The following SNX13 variants were observed in gnomAD, a reference collection of about 807,000 sequenced individuals.
SNX13 encodes the protein sorting nexin-13.
SNX13 carries 45 observed loss-of-function variants against 133.6 expected under a neutral mutation model. The observed-to-expected ratio is 0.34, with a 90% CI of 0.27 to 0.43. SNX13 has a LOEUF of 0.43. Among genes scored for constraint, SNX13 ranks in the 20% least tolerant of loss-of-function variants. The pLI is 1.00. For missense variants in SNX13, 1,032 were observed against 1,145.1 expected, an observed-to-expected ratio of 0.90 and a Z score of 1.43; for synonymous variants, 414 against 373.9, an observed-to-expected ratio of 1.11 and a Z score of -1.24.
Position 17,891,602 on chromosome 7 carries a change from T to C in SNX13, c.262A>G (p.Ile88Val), listed in dbSNP as rs1368218851. The C allele has an allele frequency of 3.1e-6, 5 of 1,612,368 alleles. No individual in the cohort carries two copies. Among genetic ancestry groups the C allele is most frequent in the African/African-American group, 1.3e-5 (1 of 74,870 alleles). Residue 88 changes from isoleucine to valine, a missense_variant, in exon 4 of 26, where the codon ATT becomes GTT. By Grantham distance (29) the Ile-to-Val change is conservative. Transcript: ENST00000428135. ...CCCGTCAATCTTCTATCAATCTTAA[T>C]AGTCCTGGCTTCCCGTTTCATTTCT... is the stretch of plus-strand genomic sequence containing the variant. ...LEEMKREARTIKIDRRLTGAN... is the reference protein window; with the variant it reads ...LEEMKREARTVKIDRRLTGAN...
At chr7:17,853,361 G>C (rs922489812) in intron 9 of SNX13, among the ~76,000 whole-genome samples, 1 of 152,132 alleles carries the variant, frequency 6.6e-6, no homozygotes, top group African/African-American at 2.4e-5. Context: ...AGTGGGCTAT[G>C]AAAAGGTAAT....
chr7:17,795,232 G>C (rs964897249), intron 25 of SNX13: 2 of 151,592 alleles, frequency 1.3e-5, no homozygotes, highest in African/African-American at 4.8e-5. Context: ...CAACATGTAT[G>C]ATTATTAATT....
intron 1 of SNX13, among the ~76,000 whole-genome samples, chr7:17,937,513 C>CAAAA (rs5882636): frequency 2.5e-5 from 2 of 79,834 alleles, no homozygotes; most frequent in Non-Finnish European, 4.9e-5. Context: ...GACTCCGTCT[C>CAAAA]AAAAAAAAAA....
intron 12 of SNX13, among the ~76,000 whole-genome samples, chr7:17,844,808 T>C (rs1790303301): frequency 1.3e-5 from 2 of 151,360 alleles, no homozygotes; most frequent in Non-Finnish European, 1.5e-5. Flanking sequence ...CACATCTTAA[T>C]TGATGCACAA....
intron 1 of SNX13, among the ~76,000 whole-genome samples, chr7:17,927,377 G>C (rs1800882971): frequency 6.6e-6 from 1 of 151,962 alleles, no homozygotes; most frequent in Non-Finnish European, 1.5e-5. Flanking sequence ...TGAGTAGCTA[G>C]GACTACAGGC....
chr7:17,909,503 T>C (rs527635044), intron 1 of SNX13, among the ~76,000 whole-genome samples: 1 of 152,320 alleles, frequency 6.6e-6, no homozygotes, highest in African/African-American at 2.4e-5. Context: ...ATATACACCA[T>C]GGAATACTAT....
intron 21 of SNX13, among the ~76,000 whole-genome samples, 178 bp downstream of exon 21, chr7:17,803,241 T>C (rs1784830783): frequency 6.6e-6 from 1 of 152,230 alleles, no homozygotes; most frequent in South Asian, 2.1e-4. Context: ...GATTTTACTA[T>C]ACTCATTTCT....
At chr7:17,828,323 A>C (rs1788130605) in intron 16 of SNX13, among the ~76,000 whole-genome samples, 1 of 151,792 alleles carries the variant, frequency 6.6e-6, no homozygotes, top group Non-Finnish European at 1.5e-5. Context: ...GCTATATTGA[A>C]ATAAGCACAA....
chr7:17,886,242 T>C (rs774544120), intron 5 of SNX13, among the ~76,000 whole-genome samples: 25 of 152,076 alleles, frequency 1.6e-4, no homozygotes, highest in Admixed American at 3.3e-4. Context: ...TACAGGAAGA[T>C]CCTTCAGTTA....
intron 1 of SNX13, among the ~76,000 whole-genome samples, chr7:17,924,926 G>A (rs1428160752): frequency 1.3e-5 from 2 of 152,086 alleles, no homozygotes; most frequent in African/African-American, 2.4e-5. Flanking sequence ...AGGCAAAACC[G>A]GCCTGGCACA....
At position 17,839,963 on chromosome 7, in the gene SNX13, G is replaced by C; in HGVS notation, c.1203C>G (p.Phe401Leu). ...GGTATCCTTCCACTGTCATCCAAAA[G>C]AATAGATGTGCTTGACCTCCAGTTT... The part of the protein sequence containing the change: ...MQQTGGQAHL[F>L]FWMTVEGYRV... Residue 401 changes from phenylalanine (F) to leucine (L), a missense_variant, in exon 13 of 26, where the codon TTC becomes TTG. Physicochemically the swap from Phe to Leu is conservative, Grantham distance 22. Coordinates refer to ENST00000428135, the MANE Select transcript of SNX13 (RefSeq NM_015132.5). 1 of 1,611,002 alleles carries C rather than the reference G, an allele frequency of 6.2e-7. No homozygotes were observed. The highest frequency in any genetic ancestry group is 2.2e-5 in the East Asian group (1 of 44,752).
rs1486885574 is a variant in SNX13, at chr7:17,821,371, C to A, written c.1845+138G>T. The A allele has an allele frequency of 6.6e-6, 5 of 755,200 alleles. No homozygotes were observed. In the East Asian group the frequency reaches 7.8e-5, roughly 12 times the overall value. 46.8% of individuals were successfully genotyped at this position (755,200 alleles called of 1,614,324 possible). ...TACTGGTTAAATGCTCAGATTAATT[C>A]TAAGATTTATGGTGATTATACCAAA... is the stretch of plus-strand genomic sequence containing the variant. On this transcript the variant is annotated intron_variant, in intron 18 of 25. Coordinates refer to ENST00000428135, the MANE Select transcript of SNX13 (RefSeq NM_015132.5).
At chr7:17,906,175 C>T (rs754346563) in intron 1 of SNX13, among the ~76,000 whole-genome samples, 4 of 151,978 alleles carry the variant, frequency 2.6e-5, no homozygotes, top group East Asian at 3.9e-4. Flanking sequence ...ATGGCACTAG[C>T]CATGAATTAT....
At chr7:17,832,585 G>T in intron 15 of SNX13, 2 of 613,882 alleles carry the variant, frequency 3.3e-6, no homozygotes, top group Non-Finnish European at 2.0e-6. Context: ...AGCTGCTATT[G>T]CAAATTTCAT....
Position 17,801,626 on chromosome 7 carries a change from G to T in SNX13, c.2260C>A (p.Pro754Thr), listed in dbSNP as rs770099255. Residue 754 changes from proline (P) to threonine (T), a missense_variant, in exon 22 of 26, where the codon CCT becomes ACT. Pro to Thr is a conservative substitution (Grantham distance 38). Transcript: ENST00000428135. ...PPLIPKTDSD[P>T]EHRRVSAQLD... ...TGAGCCGAAACTCGGCGATGTTCAG[G>T]GTCTGAATCAGTCTTAGGAATTAAA... 8.1e-6 allele frequency: 13 copies of T among 1,609,138 alleles called. No individual in the cohort carries two copies. The Middle Eastern group carries it at 6.6e-4, about 81-fold the overall frequency.
At chr7:17,896,460 T>C (rs1485199626) in intron 2 of SNX13, among the ~76,000 whole-genome samples, 1 of 152,156 alleles carries the variant, frequency 6.6e-6, no homozygotes, top group Non-Finnish European at 1.5e-5. Context: ...CCCTTCAGTG[T>C]CCTATACAGT....
intron 1 of SNX13, among the ~76,000 whole-genome samples, chr7:17,898,592 T>A (rs142993821): frequency 1.4e-3 from 213 of 152,316 alleles, no homozygotes; most frequent in Non-Finnish European, 2.6e-3. Context: ...TAAGTTCACA[T>A]ACCTTCATAA....
chr7:17,798,934 A>C lies in SNX13; in HGVS notation c.2444+75T>G, dbSNP rs928082233. On this transcript the variant is annotated intron_variant, in intron 23 of 25. Transcript: ENST00000428135. ...GAAAAAAATTCTCCTACAAAGGTTGAGCAATCTACTTCCAGAAGTAAGAGT... is the reference window on the plus strand; with the variant it reads ...GAAAAAAATTCTCCTACAAAGGTTGCGCAATCTACTTCCAGAAGTAAGAGT... 7.9e-5 allele frequency: 120 copies of C among 1,513,742 alleles called. 1 individual carries two copies. In the Middle Eastern group the frequency reaches 1.2e-3, roughly 15 times the overall value. The allele number at this position is 1,513,742 out of a possible 1,614,324, so 93.8% of individuals were successfully genotyped here.
intron 9 of SNX13, among the ~76,000 whole-genome samples, chr7:17,853,056 A>G (rs1212106268): frequency 6.6e-6 from 1 of 152,214 alleles, no homozygotes; most frequent in Admixed American, 6.5e-5. Flanking sequence ...AGAGTTGGTC[A>G]GAAGAGTGGG....
Sources: allele counts gnomAD v4.1 joint callset (sites outside exome capture counted in the v4.1 genomes callset), GRCh38; gene constraint gnomAD v4.1.1; transcripts MANE v1.5; gene names NCBI Gene and HGNC (gene_info 2026-07-23, HGNC 2026-07-21).